KDM4C: variants seen among roughly 807,000 people sequenced by gnomAD.
KDM4C encodes lysine-specific demethylase 4C.
In KDM4C, 81 loss-of-function variants were observed where a neutral mutation model predicts 129.3. The ratio of observed to expected loss-of-function variants is 0.63; its 90% CI spans 0.52 to 0.75. The LOEUF is 0.75. Among genes scored for constraint, KDM4C ranks in the 30% least tolerant of loss-of-function variants. The pLI is 0.00. For synonymous variants in KDM4C, 573 were observed against 456.1 expected, an observed-to-expected ratio of 1.26 and a Z score of -3.26; for missense variants, 1,457 against 1,304.0, an observed-to-expected ratio of 1.12 and a Z score of -1.81.
At chr9:7,162,254 A>C (rs1843879278) in intron 19 of KDM4C, among the ~76,000 whole-genome samples, 1 of 152,232 alleles carries the variant, frequency 6.6e-6, no homozygotes, top group Non-Finnish European at 1.5e-5. Flanking sequence ...GAAAGCAAGA[A>C]GATTGAGAAA....
intron 17 of KDM4C, among the ~76,000 whole-genome samples, chr9:7,050,216 T>C (rs186420519): frequency 1.3e-5 from 2 of 151,958 alleles, no homozygotes; most frequent in East Asian, 1.9e-4. Flanking sequence ...CTAGGAAATA[T>C]ATGGGCCTTT....
At chr9:6,735,272 A>C (rs1351221652) in intron 1 of KDM4C, among the ~76,000 whole-genome samples, 1 of 152,154 alleles carries the variant, frequency 6.6e-6, no homozygotes, top group Admixed American at 6.6e-5. Context: ...CTGGTAGGAA[A>C]ATGGACACAG....
chr9:7,134,565 A>G (rs575474872), intron 19 of KDM4C, among the ~76,000 whole-genome samples: 128 of 152,344 alleles, frequency 8.4e-4, no homozygotes, highest in African/African-American at 3.0e-3. Flanking sequence ...ACTTTAATAA[A>G]TCAGACATTA....
intron 1 of KDM4C, among the ~76,000 whole-genome samples, chr9:6,767,357 G>A (rs1298585093): frequency 6.6e-6 from 1 of 151,888 alleles, no homozygotes; most frequent in South Asian, 2.1e-4. Context: ...TCGGCAGGAT[G>A]GTCTCGAACT....
intron 3 of KDM4C, among the ~76,000 whole-genome samples, chr9:6,809,298 G>C (rs935434144): frequency 6.6e-6 from 1 of 152,188 alleles, no homozygotes; most frequent in African/African-American, 2.4e-5. Context: ...GACTCTTCCA[G>C]AATTCTTTTA....
At chr9:6,803,138 C>T (rs1829319167) in intron 2 of KDM4C, among the ~76,000 whole-genome samples, 1 of 152,166 alleles carries the variant, frequency 6.6e-6, no homozygotes, top group African/African-American at 2.4e-5. Context: ...CTTGGAGGGC[C>T]TGTATCGTGC....
Position 6,861,120 on chromosome 9 carries a change from T to C in KDM4C, c.629+11420T>C, listed in dbSNP as rs1220315726. ...ACTAACACATCTATAATTTGTAAGT[T>C]TTTTTGGTCACTACTTGAACCAACA... On this transcript the variant is annotated intron_variant, in intron 5 of 21. Transcript: ENST00000381309. 2.0e-5 allele frequency among the ~76,000 whole-genome samples: 3 copies of C among 152,226 alleles called. No homozygotes were observed. In the East Asian group the frequency reaches 5.8e-4, roughly 29 times the overall value.
chr9:7,141,399 A>G lies in KDM4C; in HGVS notation c.2781+13163A>G, dbSNP rs939133146. ...AACAACAACATAAGGTGGGTTGGAC[A>G]AGCTTGCCTGAATACTGGGAGGCCA... On this transcript the variant is annotated intron_variant, in intron 19 of 21. Coordinates refer to ENST00000381309, the MANE Select transcript of KDM4C (RefSeq NM_015061.6). Among the ~76,000 whole-genome samples, 6 of 152,336 alleles carry G rather than the reference A, an allele frequency of 3.9e-5. No homozygotes were observed. The South Asian group carries it at 1.2e-3, about 32-fold the overall frequency.
chr9:7,136,904 G>A (rs1210219087), intron 19 of KDM4C, among the ~76,000 whole-genome samples: 3 of 152,164 alleles, frequency 2.0e-5, no homozygotes, highest in African/African-American at 7.2e-5. Context: ...TCCTTTCTAG[G>A]TAAAGAATAT....
intron 5 of KDM4C, among the ~76,000 whole-genome samples, chr9:6,863,809 AAAAG>A (rs1284078520): frequency 2.7e-5 from 4 of 146,416 alleles, no homozygotes; most frequent in South Asian, 5.0e-4. Context: ...AAAAAAAAAA[AAAAG>A]AGAGAGAGAA....
rs781699023 is a variant in KDM4C at position 6,990,531 on chromosome 9, T to C, written c.1786+7T>C. The stretch of plus-strand genomic sequence containing the variant: ...CAGGCGCCAAGTGATGAAGGTGAGA[T>C]GGTGACCCTTTTTGGGATTTTTTTT... On this transcript the variant is annotated splice_region_variant and intron_variant, in intron 12 of 21. Transcript: ENST00000381309. 2 of 1,546,572 alleles carry C rather than the reference T, an allele frequency of 1.3e-6. No individual in the cohort carries two copies. Among genetic ancestry groups the C allele is most frequent in the Admixed American group, 4.1e-5 (2 of 48,448 alleles).
intron 8 of KDM4C, among the ~76,000 whole-genome samples, chr9:6,936,404 AAAG>A (rs767232723): frequency 6.7e-6 from 1 of 149,526 alleles, no homozygotes; most frequent in Non-Finnish European, 1.5e-5. Flanking sequence ...TTTGCTAAAA[AAAG>A]AATGCATATA....
At chr9:7,046,765 G>T (rs768627289) in intron 15 of KDM4C, 97 bp from the exon 16 acceptor site, 2 of 879,104 alleles carry the variant, frequency 2.3e-6, no homozygotes, top group Non-Finnish European at 3.8e-6. Flanking sequence ...TTTAATTTTA[G>T]AATGAAAAAT....
At chr9:6,838,769 G>C (rs1188082787) in intron 4 of KDM4C, among the ~76,000 whole-genome samples, 3 of 152,112 alleles carry the variant, frequency 2.0e-5, no homozygotes, top group African/African-American at 7.2e-5. Context: ...TTTTTAGAAA[G>C]AAGCAGCAAA....
At chr9:6,818,796 A>G (rs1036589701) in intron 4 of KDM4C, among the ~76,000 whole-genome samples, 2 of 152,158 alleles carry the variant, frequency 1.3e-5, no homozygotes, top group African/African-American at 4.8e-5. Context: ...AGGCTAGTAA[A>G]AGGGCCATGA....
rs1829043650 is a variant in KDM4C, at chr9:7,044,223, T to A, written c.2260-2639T>A. On this transcript the variant is annotated intron_variant, in intron 15 of 21. Transcript: ENST00000381309. ...GAGGGAGTAACATTTAGGTTGAGAT[T>A]TCAAGAATGTGTTTAGTTTAATTAT... Among the ~76,000 whole-genome samples the A allele has an allele frequency of 4.6e-5, 7 of 152,036 alleles. No homozygotes were observed. In the South Asian group the frequency reaches 1.5e-3, roughly 32 times the overall value.
intron 19 of KDM4C, among the ~76,000 whole-genome samples, chr9:7,135,542 G>A (rs1841109432): frequency 6.6e-6 from 1 of 152,108 alleles, no homozygotes; most frequent in South Asian, 2.1e-4. Flanking sequence ...ATGGGCAGCG[G>A]GCACCATGAG....
intron 5 of KDM4C, among the ~76,000 whole-genome samples, chr9:6,874,543 AT>A (rs1028932921): frequency 2.0e-5 from 3 of 152,114 alleles, no homozygotes; most frequent in African/African-American, 7.2e-5. Context: ...TTTATTACTC[AT>A]TTTTCATTTT....
At chr9:6,820,863 C>G (rs1414541826) in intron 4 of KDM4C, among the ~76,000 whole-genome samples, 1 of 151,750 alleles carries the variant, frequency 6.6e-6, no homozygotes, top group Non-Finnish European at 1.5e-5. Flanking sequence ...AATGCTATCC[C>G]TCCCCCAGCC....
Sources: gnomAD v4.1 joint callset for allele counts (sites outside exome capture counted in the v4.1 genomes callset) on GRCh38, gnomAD v4.1.1 for gene constraint, MANE v1.5 for transcripts, NCBI Gene and HGNC (gene_info 2026-07-23, HGNC 2026-07-21) for gene names.